Variants in TOP6BL observed in about 807,000 individuals in gnomAD.
The protein encoded by TOP6BL is TOP6B like initiator of meiotic double strand breaks.
At chr11:66,761,771 T>A in the TOP6BL span, 1 of 789,762 alleles carries the variant, frequency 1.3e-6, no homozygotes, top group Non-Finnish European at 2.3e-6. Flanking sequence ...ATCCTTCCAT[T>A]CAAACTCGCT....
chr11:66,814,768 A>G, the TOP6BL span, among the ~76,000 whole-genome samples: 19 of 152,364 alleles, frequency 1.2e-4, no homozygotes, highest in South Asian at 3.5e-3. Context: ...GAAAATCCAC[A>G]TAAAATTCCT....
the TOP6BL span, among the ~76,000 whole-genome samples, chr11:66,827,081 A>G: frequency 6.7e-6 from 1 of 149,728 alleles, no homozygotes; most frequent in Non-Finnish European, 1.5e-5. Flanking sequence ...TCCCAGGTTC[A>G]AGCGATTCTC....
chr11:66,759,123 A>G, the TOP6BL span: 1 of 1,414,766 alleles, frequency 7.1e-7, no homozygotes, highest in Non-Finnish European at 9.6e-7. Flanking sequence ...CTTCCATGAG[A>G]CTGAATATCT....
chr11:66,776,503 A>G, the TOP6BL span, among the ~76,000 whole-genome samples: 1 of 152,116 alleles, frequency 6.6e-6, no homozygotes, highest in Non-Finnish European at 1.5e-5. Flanking sequence ...AAAGTCTACC[A>G]CTGGCCGGGA....
At chr11:66,842,911 C>A in the TOP6BL span, 1 of 1,568,050 alleles carries the variant, frequency 6.4e-7, no homozygotes, top group Non-Finnish European at 8.6e-7. Flanking sequence ...AGAGGAGATG[C>A]GAGCTCTGCG....
chr11:66,796,112 A>T, the TOP6BL span: 1 of 571,120 alleles, frequency 1.8e-6, no homozygotes, highest in Non-Finnish European at 3.1e-6. Context: ...AGTGATGGCT[A>T]TTTAGATTTT....
At chr11:66,839,036 C>G in the TOP6BL span, 6 of 436,942 alleles carry the variant, frequency 1.4e-5, no homozygotes, top group Non-Finnish European at 2.3e-5. Flanking sequence ...CGGCCTGGCA[C>G]CATGTCACTC....
the TOP6BL span, among the ~76,000 whole-genome samples, chr11:66,794,947 A>C: frequency 6.6e-6 from 1 of 152,138 alleles, no homozygotes; most frequent in Non-Finnish European, 1.5e-5. Flanking sequence ...AGCCTGGCCA[A>C]CATGGCGAAA....
At chr11:66,773,296 C>G in the TOP6BL span, among the ~76,000 whole-genome samples, 1 of 151,784 alleles carries the variant, frequency 6.6e-6, no homozygotes, top group African/African-American at 2.4e-5. Context: ...TCAAGCGATC[C>G]TCTTGCCTCA....
chr11:66,816,418 C>T, the TOP6BL span, among the ~76,000 whole-genome samples: 2 of 152,172 alleles, frequency 1.3e-5, no homozygotes, highest in East Asian at 3.8e-4. Flanking sequence ...GGCCAGAAAT[C>T]AGCAGATACT....
the TOP6BL span, among the ~76,000 whole-genome samples, chr11:66,777,415 T>C: frequency 6.6e-6 from 1 of 152,202 alleles, no homozygotes; most frequent in Non-Finnish European, 1.5e-5. Context: ...ATACGTATAA[T>C]GCATGTAGCA....
chr11:66,811,776 G>C, the TOP6BL span, among the ~76,000 whole-genome samples: 1 of 152,110 alleles, frequency 6.6e-6, no homozygotes, highest in African/African-American at 2.4e-5. Flanking sequence ...AGATAAAATG[G>C]AGTTATAAAA....
chr11:66,830,386 T>C, the TOP6BL span, among the ~76,000 whole-genome samples: 1 of 152,176 alleles, frequency 6.6e-6, no homozygotes, highest in Non-Finnish European at 1.5e-5. Context: ...TATCAAAATT[T>C]GTGAGATGTA....
At chr11:66,816,913 G>C in the TOP6BL span, among the ~76,000 whole-genome samples, 1 of 152,070 alleles carries the variant, frequency 6.6e-6, no homozygotes, top group Non-Finnish European at 1.5e-5. Context: ...CAGCACTTTG[G>C]GAGGTTGAAG....
At chr11:66,780,493 A>G in the TOP6BL span, among the ~76,000 whole-genome samples, 1 of 152,148 alleles carries the variant, frequency 6.6e-6, no homozygotes, top group Admixed American at 6.5e-5. Flanking sequence ...ATTGCACTGG[A>G]ATATCTGGCT....
chr11:66,770,584 A>T, the TOP6BL span, among the ~76,000 whole-genome samples: 1 of 152,070 alleles, frequency 6.6e-6, no homozygotes, highest in Non-Finnish European at 1.5e-5. Flanking sequence ...GGTGCCTGTA[A>T]TCCCAGCTAC....
At chr11:66,777,462 C>T in the TOP6BL span, among the ~76,000 whole-genome samples, 2 of 152,066 alleles carry the variant, frequency 1.3e-5, no homozygotes, top group Non-Finnish European at 2.9e-5. Context: ...TCAATAAGTG[C>T]TAATTAATAT....
At chr11:66,843,256 GC>G in the TOP6BL span, 1 of 1,606,140 alleles carries the variant, frequency 6.2e-7, no homozygotes. Flanking sequence ...TTCCGCAAGC[GC>G]CCACCGATCC....
the TOP6BL span, chr11:66,800,739 G>A: frequency 6.8e-7 from 1 of 1,479,742 alleles, no homozygotes; most frequent in South Asian, 1.2e-5. Flanking sequence ...CTATGGCTCT[G>A]CAATTTTTCT....
Sources: allele counts gnomAD v4.1 joint callset (sites outside exome capture counted in the v4.1 genomes callset), GRCh38; gene constraint gnomAD v4.1.1; transcripts MANE v1.5; gene names NCBI Gene and HGNC (gene_info 2026-07-23, HGNC 2026-07-21).